The following TRMT9B variants were observed in gnomAD, a reference collection of about 807,000 sequenced individuals.
TRMT9B encodes the protein tRNA methyltransferase 9B (putative).
TRMT9B carries 16 observed loss-of-function variants against 11.5 expected under a neutral mutation model. That is an observed-to-expected ratio of 1.39 (90% CI 0.94 to 2.11). The LOEUF is 2.11. TRMT9B is among the 30% of genes most tolerant of loss of function. The probability of loss-of-function intolerance (pLI) is 0.00; values close to 1 mark genes in which losing one functional copy is unlikely to be tolerated. For missense variants in TRMT9B, 941 were observed against 553.8 expected (o/e 1.70, Z -7.02); for synonymous variants, 274 against 192.4 (o/e 1.42, Z -3.51).
rs1253125309 is a variant in TRMT9B at position 13,029,737 on chromosome 8, C to T, written c.*7693C>T. On this transcript the variant is annotated 3_prime_UTR_variant, in exon 5 of 5. Coordinates refer to ENST00000524591, the MANE Select transcript of TRMT9B (RefSeq NM_020844.3). ...AAAAGAATGTTATTGACCAAAAAGA[C>T]ATATTTTGAGATTAATAAAGATGTA... is the stretch of plus-strand genomic sequence containing the variant. The T allele has an allele frequency of 1.3e-5, 2 of 152,766 alleles. No homozygotes were observed. Among genetic ancestry groups the T allele is most frequent in the African/African-American group, 4.8e-5 (2 of 41,454 alleles). The allele number at this position is 152,766 out of a possible 1,614,324, so 9.5% of individuals were successfully genotyped here.
At chr8:12,953,033 C>T (rs531858390) in intron 1 of TRMT9B, among the ~76,000 whole-genome samples, 2 of 152,228 alleles carry the variant, frequency 1.3e-5, no homozygotes, top group South Asian at 2.1e-4. Context: ...CCACCGGGCC[C>T]GGCTGATTCT....
chr8:12,953,143 G>A (rs1800852383), intron 1 of TRMT9B, among the ~76,000 whole-genome samples: 3 of 152,204 alleles, frequency 2.0e-5, no homozygotes, highest in Admixed American at 6.5e-5. Context: ...AGAGCTTTAT[G>A]TTAGGTGGTA....
At chr8:12,955,846 C>T (rs2954167) in intron 1 of TRMT9B, among the ~76,000 whole-genome samples, 6 of 152,068 alleles carry the variant, frequency 3.9e-5, no homozygotes, top group African/African-American at 9.7e-5. Context: ...GGCTCCCGGG[C>T]GGCAAGCTTG....
At position 13,022,104 on chromosome 8, in the gene TRMT9B, T is replaced by C. The variant is rs1369641720; in HGVS notation, c.*60T>C. The C allele has an allele frequency of 4.1e-6, 5 of 1,220,100 alleles. No homozygotes were observed. The highest frequency in any genetic ancestry group is 3.4e-6 in the Non-Finnish European group (3 of 878,590). The allele number at this position is 1,220,100 out of a possible 1,614,324, so 75.6% of individuals were successfully genotyped here. ...ACCACATTCTTTCCTCTTGGTTTGA[T>C]ATGGTTACCTGAATTTGCATTCAGT... On this transcript the variant is annotated 3_prime_UTR_variant, in exon 5 of 5. Transcript: ENST00000524591.
intron 2 of TRMT9B, among the ~76,000 whole-genome samples, chr8:12,997,726 A>T (rs1195198054): frequency 6.6e-6 from 1 of 152,112 alleles, no homozygotes; most frequent in Non-Finnish European, 1.5e-5. Context: ...TTTGGTGAAT[A>T]TGGGTGTCCA....
chr8:12,999,378 G>C (rs908531611), intron 2 of TRMT9B, among the ~76,000 whole-genome samples: 6 of 151,802 alleles, frequency 4.0e-5, no homozygotes, highest in South Asian at 4.2e-4. Context: ...TGATTTATTG[G>C]GGGAAGGATA....
chr8:12,964,277 C>T (rs909299535), intron 1 of TRMT9B, among the ~76,000 whole-genome samples: 4 of 152,156 alleles, frequency 2.6e-5, no homozygotes, highest in Non-Finnish European at 5.9e-5. Flanking sequence ...CAGTTGATAA[C>T]ACATCCTCAT....
At chr8:12,983,297 A>G (rs905983226) in intron 1 of TRMT9B, among the ~76,000 whole-genome samples, 4 of 150,926 alleles carry the variant, frequency 2.7e-5, no homozygotes, top group African/African-American at 7.3e-5. Flanking sequence ...ATGTCAGTTT[A>G]TAAAATCAAA....
rs748358706 is a variant in TRMT9B, at chr8:13,021,901, T to C, written c.1222T>C (p.Phe408Leu). 6.2e-7 allele frequency: 1 copy of C among 1,613,790 alleles called. No homozygotes were observed. The change falls in exon 5 of 5, where the codon TTT (phenylalanine) becomes CTT (leucine). Residue 408 changes from phenylalanine (F) to leucine (L), a missense_variant. Phe to Leu is a conservative substitution (Grantham distance 22). Transcript: ENST00000524591. The stretch of plus-strand genomic sequence containing the variant: ...GACTGATGTTTTGGACTCCACAGCC[T>C]TTATGCGCTACTACCATGTGTTTCG... ...PQTDVLDSTA[F>L]MRYYHVFREG...
At chr8:12,946,409 C>T (rs754237) in intron 1 of TRMT9B, among the ~76,000 whole-genome samples, 66,134 of 151,924 alleles carry the variant, frequency 0.44, 15,174 homozygotes, top group Middle Eastern at 0.54. Flanking sequence ...AATTGTCAGA[C>T]GGTGGTCACC....
intron 4 of TRMT9B, among the ~76,000 whole-genome samples, chr8:13,013,157 C>A (rs1811975983): frequency 6.6e-6 from 1 of 152,118 alleles, no homozygotes; most frequent in South Asian, 2.1e-4. Context: ...GAAAATAGCA[C>A]TTCATTATAT....
chr8:12,947,843 A>C (rs773673614), intron 1 of TRMT9B, among the ~76,000 whole-genome samples: 8 of 152,176 alleles, frequency 5.3e-5, no homozygotes, highest in Non-Finnish European at 1.2e-4. Flanking sequence ...GGTTGATTGA[A>C]TTGGTCACAT....
chr8:13,012,122 C>T, intron 3 of TRMT9B: 3 of 985,496 alleles, frequency 3.0e-6, no homozygotes, highest in Non-Finnish European at 3.6e-6. Context: ...TGTACTGAGC[C>T]CTGTGGACAT....
rs541419944 is a variant in TRMT9B at position 13,022,839 on chromosome 8, A to G, written c.*795A>G. The G allele has an allele frequency of 1.8e-5, 3 of 165,622 alleles. No homozygotes were observed. The highest frequency in any genetic ancestry group is 6.5e-5 in the Admixed American group (1 of 15,270). 10.3% of individuals were successfully genotyped at this position (165,622 alleles called of 1,614,324 possible). Reference sequence around the variant, plus strand: ...AGACCCCATCTCTATAAAAATTAGCAAGATGTGGTGGTGCATGCCTGTCAT... The same window carrying G: ...AGACCCCATCTCTATAAAAATTAGCGAGATGTGGTGGTGCATGCCTGTCAT... On this transcript the variant is annotated 3_prime_UTR_variant, in exon 5 of 5. Transcript: ENST00000524591.
At chr8:12,991,091 A>G (rs1807254078) in intron 2 of TRMT9B, 60 bp downstream of exon 2, 2 of 810,388 alleles carry the variant, frequency 2.5e-6, no homozygotes, top group Non-Finnish European at 3.2e-6. Flanking sequence ...AGCAATGTGC[A>G]TATTTAGTGA....
At chr8:12,995,847 C>T (rs1365577510) in intron 2 of TRMT9B, among the ~76,000 whole-genome samples, 1 of 152,100 alleles carries the variant, frequency 6.6e-6, no homozygotes, top group African/African-American at 2.4e-5. Context: ...GACTAAAAAG[C>T]TCAGCAGATT....
At chr8:13,018,959 A>T (rs1267513099) in intron 4 of TRMT9B, among the ~76,000 whole-genome samples, 1 of 152,182 alleles carries the variant, frequency 6.6e-6, no homozygotes, top group Admixed American at 6.5e-5. Flanking sequence ...AGAACCCTTG[A>T]TTACAGTATT....
chr8:12,972,348 T>G (rs1463379159), intron 1 of TRMT9B, among the ~76,000 whole-genome samples: 1 of 152,136 alleles, frequency 6.6e-6, no homozygotes, highest in Non-Finnish European at 1.5e-5. Context: ...GGAGAGTCCC[T>G]GAGGAGTTGG....
At chr8:13,006,399 C>A (rs371019421) in intron 3 of TRMT9B, 43 bp downstream of exon 3, 1 of 1,451,344 alleles carries the variant, frequency 6.9e-7, no homozygotes, top group Admixed American at 2.7e-5. Context: ...ACCAGGCAGC[C>A]TCATCGCTGA....
Sources: allele counts gnomAD v4.1 joint callset (sites outside exome capture counted in the v4.1 genomes callset), GRCh38; gene constraint gnomAD v4.1.1; transcripts MANE v1.5; gene names NCBI Gene and HGNC (gene_info 2026-07-23, HGNC 2026-07-21).